The following DLG5 variants were observed in gnomAD, a reference collection of about 807,000 sequenced individuals.
DLG5 encodes the protein discs large MAGUK scaffold protein 5.
A neutral mutation model predicts 189.8 loss-of-function variants in DLG5; 48 were observed. The ratio of observed to expected loss-of-function variants is 0.25; its 90% confidence interval spans 0.20 to 0.32. The LOEUF (loss-of-function observed/expected upper bound fraction) is 0.32, where lower values mean the gene tolerates loss of function less well. Ranked by LOEUF, DLG5 falls within the 10% of genes least tolerant of loss-of-function variation. The probability of loss-of-function intolerance (pLI) is 1.00; values close to 1 mark genes in which losing one functional copy is unlikely to be tolerated. For synonymous variants in DLG5, 1,016 were observed against 1,054.1 expected, an observed-to-expected ratio of 0.96 and a Z score of 0.70; for missense variants, 2,160 against 2,544.7, an observed-to-expected ratio of 0.85 and a Z score of 3.25.
chr10:77,815,014 G>T (rs764361918), intron 20 of DLG5, among the ~76,000 whole-genome samples: 1 of 152,080 alleles, frequency 6.6e-6, no homozygotes, highest in Admixed American at 6.6e-5. Context: ...CCTAACCACC[G>T]TGAGGGCAGG....
chr10:77,888,566 T>C (rs1458513564), intron 1 of DLG5, among the ~76,000 whole-genome samples: 1 of 152,224 alleles, frequency 6.6e-6, no homozygotes, highest in East Asian at 1.9e-4. Flanking sequence ...CTGACTCTTC[T>C]GGAATCATTT....
chr10:77,859,209 C>T (rs757528895), intron 2 of DLG5, among the ~76,000 whole-genome samples: 1 of 151,994 alleles, frequency 6.6e-6, no homozygotes, highest in Non-Finnish European at 1.5e-5. Flanking sequence ...AGTGTTATTA[C>T]AAAACAGTCA....
chr10:77,819,590 G>C, intron 16 of DLG5, 125 bp from the exon 17 acceptor site: 1 of 1,308,400 alleles, frequency 7.6e-7, no homozygotes, highest in Non-Finnish European at 1.0e-6. Context: ...TGGGAGATGA[G>C]TTTTAACCAC....
intron 13 of DLG5, among the ~76,000 whole-genome samples, chr10:77,828,479 T>A (rs1589167861): frequency 3.7e-5 from 3 of 80,530 alleles, no homozygotes; most frequent in Admixed American, 2.0e-4. Flanking sequence ...AGAGCAAGAC[T>A]CCATATCAAA....
At chr10:77,806,733 C>CCCCCCCCCCCCCCCCCAAA in intron 26 of DLG5, 25 bp downstream of exon 26, 2 of 1,574,956 alleles carry the variant, frequency 1.3e-6, no homozygotes, top group Non-Finnish European at 1.7e-6. Context: ...TGCCCCACCC[C>CCCCCCCCCCCCCCCCCAAA]ACCCCAGGCC....
chr10:77,843,060 A>G (rs868082963), intron 6 of DLG5, among the ~76,000 whole-genome samples: 19 of 152,130 alleles, frequency 1.2e-4, no homozygotes, highest in South Asian at 6.2e-4. Flanking sequence ...TAACTTTCCT[A>G]TTTGCTAGGT....
At chr10:77,852,227 C>T (rs188859440) in intron 5 of DLG5, among the ~76,000 whole-genome samples, 13 of 151,986 alleles carry the variant, frequency 8.6e-5, no homozygotes, top group African/African-American at 2.4e-4. Flanking sequence ...AAAAATCAGC[C>T]GGGTATGGTG....
rs1310980648 is a variant in DLG5, at chr10:77,821,495, G to A, written c.2989C>T (p.Pro997Ser). The A allele has an allele frequency of 8.7e-6, 14 of 1,612,666 alleles. No individual in the cohort carries two copies. The Admixed American group carries it at 2.0e-4, about 23-fold the overall frequency. ...KIDYLLPGPG[P>S]AHSPQPSKRA... ...TTGGAGGGCTGGGGAGAGTGAGCAG[G>A]CCCAGGACCTGGAAGCAGGTAGTCT... Residue 997 changes from proline to serine, a missense_variant, in exon 15 of 32, where the codon CCT (proline) becomes TCT (serine). Around this residue, in one of 5 missense-constraint regions of DLG5, gnomAD observed 754 missense variants for 746.5 expected, o/e 1.01. Transcript: ENST00000372391.
At chr10:77,835,045 C>T (rs1239549779) in intron 8 of DLG5, among the ~76,000 whole-genome samples, 3 of 152,142 alleles carry the variant, frequency 2.0e-5, no homozygotes, top group South Asian at 2.1e-4. Context: ...AGGATCAAGC[C>T]CACACTGCTT....
intron 22 of DLG5, among the ~76,000 whole-genome samples, chr10:77,811,574 A>C (rs1841774992): frequency 6.6e-6 from 1 of 151,976 alleles, no homozygotes. Context: ...TCTGCCCTTC[A>C]ACCCACAGCT....
chr10:77,917,779 C>A (rs900168339), intron 1 of DLG5, among the ~76,000 whole-genome samples: 6 of 152,096 alleles, frequency 3.9e-5, no homozygotes, highest in Non-Finnish European at 7.4e-5. Context: ...GTAATCCCAG[C>A]ACTTTGGGAG....
intron 18 of DLG5, 94 bp from the exon 19 acceptor site, chr10:77,817,190 G>A (rs1842103331): frequency 8.9e-7 from 1 of 1,120,820 alleles, no homozygotes; most frequent in African/African-American, 1.5e-5. Context: ...GATAATAAAT[G>A]CAAAGCTGGG....
At position 77,817,883 on chromosome 10, in the gene DLG5, C is replaced by G; in HGVS notation, c.3678G>C (p.Gln1226His). ...AGPQGLHPSV[Q>H]HQGRLSLDLS... ...GGTCCAGGCTCAGGCGTCCCTGGTG[C>G]TGGACACTGCGTAAAAACAAGAGGT... Residue 1226 changes from glutamine (Q) to histidine (H), a missense_variant, in exon 18 of 32, where the codon CAG becomes CAC. By Grantham distance (24) the Gln-to-His change is conservative. Around this residue, in one of 5 missense-constraint regions of DLG5, gnomAD observed 754 missense variants for 746.5 expected, o/e 1.01. Transcript: ENST00000372391. 1 of 1,551,636 alleles carries G rather than the reference C, an allele frequency of 6.4e-7. No individual in the cohort carries two copies. Among genetic ancestry groups the G allele is most frequent in the Non-Finnish European group, 8.7e-7 (1 of 1,147,006 alleles).
upstream of DLG5, chr10:77,928,483 G>A (rs563449946): frequency 3.9e-5 from 6 of 152,350 alleles, no homozygotes; most frequent in South Asian, 6.2e-4. Context: ...ACAGTATCAG[G>A]GTTCCAGACA....
In DLG5 at chr10:77,796,023, T is replaced by C. The variant is rs751609172; in HGVS notation, c.5436+38A>G. On this transcript the variant is annotated intron_variant, in intron 29 of 31. Transcript: ENST00000372391. This position sits in a 1 kb window ranked among gnomAD's most constrained non-coding sequence, Gnocchi z 5.2. Reference sequence around the variant, plus strand: ...CTAGACCTGTGCACAGGAGGTCTAATACTGGATGCCTAATCCTCAGACTGA... The same window carrying C: ...CTAGACCTGTGCACAGGAGGTCTAACACTGGATGCCTAATCCTCAGACTGA... 3 of 1,613,970 alleles carry C rather than the reference T, an allele frequency of 1.9e-6. No individual in the cohort carries two copies. Among genetic ancestry groups the C allele is most frequent in the South Asian group, 1.1e-5 (1 of 91,076 alleles).
upstream of DLG5, chr10:77,927,855 A>G (rs572089510): frequency 4.6e-5 from 7 of 152,320 alleles, no homozygotes; most frequent in African/African-American, 1.4e-4. Flanking sequence ...TGGAACTCTG[A>G]CTGCGCTCAG....
chr10:77,807,951 G>C lies in DLG5; in HGVS notation c.4648-7C>G. The C allele has an allele frequency of 6.2e-7, 1 of 1,614,040 alleles. No homozygotes were observed. The highest frequency in any genetic ancestry group is 8.5e-7 in the Non-Finnish European group (1 of 1,179,998). ...GCACGTCCAGGCTGCCATACTGCCA[G>C]GGATGGGGGTGGATGCATCAGAAGG... is the stretch of plus-strand genomic sequence containing the variant. On this transcript the variant is annotated splice_region_variant and splice_polypyrimidine_tract_variant and intron_variant, in intron 24 of 31. Transcript: ENST00000372391.
chr10:77,884,352 C>T (rs1401403137), intron 1 of DLG5, among the ~76,000 whole-genome samples: 2 of 152,198 alleles, frequency 1.3e-5, no homozygotes, highest in Non-Finnish European at 2.9e-5. Context: ...GCACAAGGTG[C>T]ATCTTGAAAG....
In DLG5 at chr10:77,843,610, G is replaced by A. The variant is rs750715345; in HGVS notation, c.961C>T (p.Arg321Trp). Residue 321 changes from arginine to tryptophan, a missense_variant, in exon 6 of 32, where the codon CGG becomes TGG. Physicochemically the swap from Arg to Trp is moderately radical, Grantham distance 101. This residue lies in a region of DLG5 where 664 missense variants were observed against 838.5 expected (regional missense o/e 0.79). Transcript: ENST00000372391. ...GCGACTTTCTCACTGTACCTCTTCC[G>A]AAGGGCGTCATAGTCCTTCTTGACC... ...EVVKKDYDAL[R>W]KRYSEKVAIH... is the part of the protein sequence containing the mutation. 4.5e-5 allele frequency: 73 copies of A among 1,613,786 alleles called. No homozygotes were observed. The highest frequency in any genetic ancestry group is 2.5e-4 in the East Asian group (11 of 44,884).
Sources: gnomAD v4.1 joint callset for allele counts (sites outside exome capture counted in the v4.1 genomes callset) on GRCh38, gnomAD v4.1.1 for gene constraint, gnomAD v4.1.1 regional missense constraint, Gnocchi (gnomAD v3.1) non-coding constraint, MANE v1.5 for transcripts, NCBI Gene and HGNC (gene_info 2026-07-23, HGNC 2026-07-21) for gene names.